Variants in NXPE4 observed in about 807,000 individuals in gnomAD.
The protein encoded by NXPE4 is neurexophilin and PC-esterase domain family member 4.
NXPE4 carries 42 observed loss-of-function variants against 33.3 expected under a neutral mutation model. The observed-to-expected ratio is 1.26, with a 90% CI of 0.98 to 1.63. The LOEUF (loss-of-function observed/expected upper bound fraction) is 1.63, where lower values mean the gene tolerates loss of function less well. NXPE4 is among the 40% of genes most tolerant of loss of function. The pLI is 0.00. For synonymous variants in NXPE4, 253 were observed against 234.9 expected (o/e 1.08, Z -0.71); for missense variants, 709 against 647.6 (o/e 1.09, Z -1.03).
At chr11:114,648,417 G>A in the NXPE4 span, among the ~76,000 whole-genome samples, 49,914 of 152,000 alleles carry the variant, frequency 0.33, 8,463 homozygotes, top group East Asian at 0.41. Context: ...CTTACTCAGC[G>A]GAGGGTCAGA....
the NXPE4 span, among the ~76,000 whole-genome samples, chr11:114,602,586 T>G: frequency 1.4e-5 from 2 of 140,468 alleles, no homozygotes; most frequent in South Asian, 2.3e-4. Context: ...ATCTCATATA[T>G]AAATTACAGA....
the NXPE4 span, among the ~76,000 whole-genome samples, chr11:114,658,778 G>A: frequency 6.6e-6 from 1 of 152,166 alleles, no homozygotes; most frequent in Non-Finnish European, 1.5e-5. Flanking sequence ...GGATCACTGA[G>A]AAGGCCTTTC....
intron 2 of NXPE4, 121 bp from the exon 3 acceptor site, chr11:114,583,142 T>C: frequency 9.1e-7 from 1 of 1,093,152 alleles, no homozygotes; most frequent in Non-Finnish European, 1.3e-6. Context: ...CTTATTGTGA[T>C]TTTGAATATT....
At chr11:114,615,335 G>A in the NXPE4 span, among the ~76,000 whole-genome samples, 20 of 152,010 alleles carry the variant, frequency 1.3e-4, no homozygotes, top group Admixed American at 2.0e-4. Context: ...ATTACCCGCC[G>A]GATACTAAGT....
upstream of NXPE4, among the ~76,000 whole-genome samples, chr11:114,600,651 T>C (rs1949626667): frequency 6.6e-6 from 1 of 152,030 alleles, no homozygotes; most frequent in South Asian, 2.1e-4. Context: ...CTAAATGCAA[T>C]TTGAGATCCT....
the NXPE4 span, among the ~76,000 whole-genome samples, chr11:114,641,009 T>C: frequency 8.9e-4 from 136 of 152,052 alleles, no homozygotes; most frequent in Non-Finnish European, 1.4e-3. Flanking sequence ...TGGAGAATGA[T>C]AAGGTACAAA....
chr11:114,673,899 T>G, the NXPE4 span, among the ~76,000 whole-genome samples: 1 of 151,682 alleles, frequency 6.6e-6, no homozygotes, highest in African/African-American at 2.4e-5. Flanking sequence ...GATACACATC[T>G]CTCCTACAAA....
the NXPE4 span, among the ~76,000 whole-genome samples, chr11:114,606,396 C>T: frequency 6.6e-6 from 1 of 151,868 alleles, no homozygotes; most frequent in Non-Finnish European, 1.5e-5. Context: ...TGGGTAACCA[C>T]TGTTACCCGG....
the NXPE4 span, among the ~76,000 whole-genome samples, chr11:114,646,013 G>A: frequency 2.0e-5 from 3 of 152,082 alleles, no homozygotes; most frequent in Non-Finnish European, 4.4e-5. Context: ...GTACTTCAGA[G>A]AAAAATCTCT....
At chr11:114,575,613 T>TA (rs1948979680) in intron 5 of NXPE4, among the ~76,000 whole-genome samples, 1 of 149,874 alleles carries the variant, frequency 6.7e-6, no homozygotes, top group Non-Finnish European at 1.5e-5. Flanking sequence ...TAAAATAAAA[T>TA]AAAATAAAAA....
chr11:114,611,054 G>A, the NXPE4 span, among the ~76,000 whole-genome samples: 487 of 149,080 alleles, frequency 3.3e-3, 3 homozygotes, highest in Middle Eastern at 7.8e-3. Flanking sequence ...TAAGTGTTGC[G>A]TCATGGGTAA....
At chr11:114,651,236 C>T in the NXPE4 span, among the ~76,000 whole-genome samples, 1 of 152,088 alleles carries the variant, frequency 6.6e-6, no homozygotes, top group South Asian at 2.1e-4. Flanking sequence ...GGGTTTCTTC[C>T]TTCAGATGTT....
the NXPE4 span, among the ~76,000 whole-genome samples, chr11:114,622,478 T>C: frequency 2.6e-5 from 4 of 152,236 alleles, no homozygotes; most frequent in African/African-American, 9.6e-5. Context: ...TATTGCCTCA[T>C]GGATAACCAC....
the NXPE4 span, among the ~76,000 whole-genome samples, chr11:114,641,533 G>C: frequency 1.3e-5 from 2 of 152,060 alleles, no homozygotes; most frequent in Non-Finnish European, 2.9e-5. Flanking sequence ...ATATGTAACT[G>C]TACATGCAGC....
intron 2 of NXPE4, among the ~76,000 whole-genome samples, chr11:114,586,534 G>T (rs1949301844): frequency 6.6e-6 from 1 of 152,204 alleles, no homozygotes; most frequent in Non-Finnish European, 1.5e-5. Flanking sequence ...GCTTGCCAGG[G>T]AGAACTTAGC....
chr11:114,629,678 A>C, the NXPE4 span, among the ~76,000 whole-genome samples: 1 of 152,052 alleles, frequency 6.6e-6, no homozygotes, highest in Admixed American at 6.6e-5. Flanking sequence ...CAGGGCAATT[A>C]CATAGGAGAA....
chr11:114,627,576 TA>T, the NXPE4 span, among the ~76,000 whole-genome samples: 5 of 150,846 alleles, frequency 3.3e-5, no homozygotes, highest in South Asian at 4.3e-4. Context: ...TGCCAAAATG[TA>T]AAGACCATTG....
chr11:114,576,345 A>G (rs1397692286), intron 5 of NXPE4, among the ~76,000 whole-genome samples: 1 of 131,014 alleles, frequency 7.6e-6, no homozygotes, highest in Non-Finnish European at 1.7e-5. Flanking sequence ...ACAAACATAA[A>G]TGGATGGGAC....
the NXPE4 span, among the ~76,000 whole-genome samples, chr11:114,653,182 G>T: frequency 3.3e-5 from 5 of 152,118 alleles, no homozygotes; most frequent in African/African-American, 1.2e-4. Flanking sequence ...TGGAGAAAGG[G>T]TTTTTAAAAC....
Sources: allele counts gnomAD v4.1 joint callset (sites outside exome capture counted in the v4.1 genomes callset), GRCh38; gene constraint gnomAD v4.1.1; transcripts MANE v1.5; gene names NCBI Gene and HGNC (gene_info 2026-07-23, HGNC 2026-07-21).